Variants in DPYS observed in about 807,000 individuals in gnomAD.
DPYS encodes dihydropyrimidinase.
DPYS carries 39 observed loss-of-function variants against 50.3 expected under a neutral mutation model. The observed-to-expected ratio is 0.78, with a 90% confidence interval of 0.60 to 1.01. The LOEUF is 1.01. DPYS is among the 50% of genes least tolerant of loss of function. The pLI, the probability that DPYS is intolerant of heterozygous loss-of-function variation, is 0.00. For synonymous variants in DPYS, 245 were observed against 250.7 expected, an observed-to-expected ratio of 0.98 and a Z score of 0.22; for missense variants, 659 against 680.9, an observed-to-expected ratio of 0.97 and a Z score of 0.36.
chr8:104,453,219 T>C (rs1338469320), intron 1 of DPYS, among the ~76,000 whole-genome samples: 1 of 152,230 alleles, frequency 6.6e-6, no homozygotes. Flanking sequence ...CAGGATCCTG[T>C]ATGTTGTCTC....
rs549434017 is a variant in DPYS, at chr8:104,386,920, G to A, written c.1444-5606C>T. The stretch of plus-strand genomic sequence containing the variant: ...TGGGATTACAGGTGTGAGCCACCAC[G>A]CCTGGCTGGATGCTAGATTTTCTGA... On this transcript the variant is annotated intron_variant, in intron 8 of 9. Transcript: ENST00000351513. 7.4e-4 allele frequency among the ~76,000 whole-genome samples: 113 copies of A among 152,260 alleles called. 1 individual carries two copies. The highest frequency in any genetic ancestry group is 1.2e-3 in the Admixed American group (19 of 15,296).
rs148679483 is a variant in DPYS at position 104,435,788 on chromosome 8, T to C, written c.794-6087A>G. On this transcript the variant is annotated intron_variant, in intron 4 of 9. Coordinates refer to ENST00000351513, the MANE Select transcript of DPYS (RefSeq NM_001385.3). ...TTCCCAGTTCACAAAAAAATCCTGG[T>C]GAAGACAGACAAAAGGGAAAGAATC... Among the ~76,000 whole-genome samples the C allele has an allele frequency of 7.6e-4, 116 of 152,206 alleles. No individual in the cohort carries two copies. In the East Asian group the frequency reaches 0.021, roughly 27 times the overall value.
intron 7 of DPYS, chr8:104,420,057 G>GA (rs1812492908): frequency 1.3e-5 from 1 of 75,994 alleles, no homozygotes; most frequent in African/African-American, 6.9e-5. Context: ...AATGGAACTA[G>GA]ACTCAAGAAT....
At chr8:104,461,028 A>C (rs990815026) in intron 1 of DPYS, among the ~76,000 whole-genome samples, 1 of 151,914 alleles carries the variant, frequency 6.6e-6, no homozygotes, top group African/African-American at 2.4e-5. Flanking sequence ...TCACACCTGT[A>C]ATCCCAGCAC....
At chr8:104,463,710 T>C (rs1588467212) in intron 1 of DPYS, among the ~76,000 whole-genome samples, 1 of 152,124 alleles carries the variant, frequency 6.6e-6, no homozygotes, top group Admixed American at 6.5e-5. Context: ...TACTTAAAGG[T>C]ATAATAGGAA....
chr8:104,464,756 G>A (rs1392642887), intron 1 of DPYS, among the ~76,000 whole-genome samples: 1 of 152,222 alleles, frequency 6.6e-6, no homozygotes, highest in East Asian at 1.9e-4. Flanking sequence ...CTGTCACTGA[G>A]AGGGAGAGTA....
At chr8:104,381,380 C>G in intron 8 of DPYS, 66 bp from the exon 9 acceptor site, 2 of 1,397,822 alleles carry the variant, frequency 1.4e-6, no homozygotes, top group Non-Finnish European at 2.0e-6. Context: ...AAGTGTAGCT[C>G]CCTTTATGAA....
rs112544974 is a variant in DPYS at position 104,451,192 on chromosome 8, T to G, written c.423+54A>C. 3.1e-6 allele frequency: 5 copies of G among 1,611,062 alleles called. No individual in the cohort carries two copies. In the East Asian group the frequency reaches 8.9e-5, roughly 29 times the overall value. On this transcript the variant is annotated intron_variant, in intron 2 of 9. Coordinates refer to ENST00000351513, the MANE Select transcript of DPYS (RefSeq NM_001385.3). ...CAATGTCACCAGTTTCTTGCTCTTGTGCAGAGTGAGGACAAGAGGACAATG... is the reference window on the plus strand; with the variant it reads ...CAATGTCACCAGTTTCTTGCTCTTGGGCAGAGTGAGGACAAGAGGACAATG...
At chr8:104,449,819 C>G (rs2853179) in intron 2 of DPYS, among the ~76,000 whole-genome samples, 1 of 151,976 alleles carries the variant, frequency 6.6e-6, no homozygotes, top group Non-Finnish European at 1.5e-5. Context: ...CCTCAGAGCC[C>G]TCAGAAGGAA....
rs1319540206 is a variant in DPYS at position 104,393,931 on chromosome 8, T to C, written c.1236-940A>G. 3.3e-5 allele frequency among the ~76,000 whole-genome samples: 5 copies of C among 152,296 alleles called. No individual in the cohort carries two copies. In the East Asian group the frequency reaches 9.7e-4, roughly 29 times the overall value. ...CCCAAACAGTGTACGCTGAACCCAATGTATAGTCTTTTATCCCTCACCCCT... is the reference window on the plus strand; with the variant it reads ...CCCAAACAGTGTACGCTGAACCCAACGTATAGTCTTTTATCCCTCACCCCT... On this transcript the variant is annotated intron_variant, in intron 7 of 9. Coordinates refer to ENST00000351513, the MANE Select transcript of DPYS (RefSeq NM_001385.3).
intron 6 of DPYS, among the ~76,000 whole-genome samples, chr8:104,425,710 T>C (rs1002704103): frequency 6.6e-6 from 1 of 152,150 alleles, no homozygotes; most frequent in African/African-American, 2.4e-5. Context: ...TTATGGATAG[T>C]CTATTGCAAG....
chr8:104,396,970 G>A (rs112390421), intron 7 of DPYS, among the ~76,000 whole-genome samples: 63 of 152,112 alleles, frequency 4.1e-4, no homozygotes, highest in African/African-American at 1.4e-3. Context: ...GTAAATTTGA[G>A]GCACTATCAC....
At position 104,466,709 on chromosome 8, in the gene DPYS, T is replaced by A. The variant is rs1384112157; in HGVS notation, c.212A>T (p.Gln71Leu). ...PGGIDTHTHM[Q>L]FPFMGSRSID... is the part of the protein sequence containing the mutation. ...GGACCGCGAGCCCATGAAGGGGAAC[T>A]GCATGTGCGTGTGTGTGTCGATGCC... The change falls in exon 1 of 10, where the codon CAG (glutamine) becomes CTG (leucine). Residue 71 changes from glutamine (Q) to leucine (L), a missense_variant. Gln to Leu is a moderately radical substitution (Grantham distance 113). Coordinates refer to ENST00000351513, the MANE Select transcript of DPYS (RefSeq NM_001385.3). 6.5e-7 allele frequency: 1 copy of A among 1,533,798 alleles called. No individual in the cohort carries two copies. The highest frequency in any genetic ancestry group is 8.7e-7 in the Non-Finnish European group (1 of 1,144,510).
At chr8:104,439,230 T>A (rs1432249607) in intron 4 of DPYS, among the ~76,000 whole-genome samples, 1 of 152,174 alleles carries the variant, frequency 6.6e-6, no homozygotes, top group Admixed American at 6.5e-5. Flanking sequence ...TGTCAAAAGT[T>A]ACAAATCACT....
chr8:104,454,229 T>C (rs912593172), intron 1 of DPYS, among the ~76,000 whole-genome samples: 4 of 151,894 alleles, frequency 2.6e-5, no homozygotes, highest in Non-Finnish European at 5.9e-5. Flanking sequence ...CTACTAAAAA[T>C]ACAAAAATTA....
At chr8:104,386,919 C>T (rs376393391) in intron 8 of DPYS, among the ~76,000 whole-genome samples, 13 of 152,110 alleles carry the variant, frequency 8.5e-5, no homozygotes, top group African/African-American at 2.4e-4. Flanking sequence ...TGAGCCACCA[C>T]GCCTGGCTGG....
intron 7 of DPYS, among the ~76,000 whole-genome samples, chr8:104,398,584 C>A (rs1369109645): frequency 2.0e-5 from 3 of 152,214 alleles, no homozygotes; most frequent in African/African-American, 7.2e-5. Flanking sequence ...TGCAATGTAT[C>A]TATGGAACTT....
chr8:104,447,012 C>A (rs1813552079), intron 3 of DPYS, among the ~76,000 whole-genome samples: 1 of 152,146 alleles, frequency 6.6e-6, no homozygotes. Flanking sequence ...CAAAAGTATG[C>A]TGGAGGACAC....
Position 104,389,539 on chromosome 8 carries a change from A to ATTTTAT in DPYS, c.1443+3244_1443+3245insATAAAA, listed in dbSNP as rs1554690739. On this transcript the variant is annotated intron_variant, in intron 8 of 9. Coordinates refer to ENST00000351513, the MANE Select transcript of DPYS (RefSeq NM_001385.3). ...GTTTCATGACTATTTTCTTCCTTTT[A>ATTTTAT]TTTTTTTTTTTTTGTCTCTACAGAG... 6.0e-5 allele frequency among the ~76,000 whole-genome samples: 7 copies of ATTTTAT among 116,516 alleles called. No individual in the cohort carries two copies. The South Asian group carries it at 7.5e-4, about 12-fold the overall frequency. 76.4% of individuals were successfully genotyped at this position (116,516 alleles called of 152,430 possible).
Sources: allele counts gnomAD v4.1 joint callset (sites outside exome capture counted in the v4.1 genomes callset), GRCh38; gene constraint gnomAD v4.1.1; transcripts MANE v1.5; gene names NCBI Gene and HGNC (gene_info 2026-07-23, HGNC 2026-07-21).